The following NOL12 variants were observed in gnomAD, a reference collection of about 807,000 sequenced individuals.
NOL12 encodes the protein nucleolar protein 12.
Under a neutral mutation model 25.2 loss-of-function variants are expected in NOL12, and 21 were observed. That is an observed-to-expected ratio of 0.83 (90% confidence interval 0.59 to 1.20). The LOEUF (loss-of-function observed/expected upper bound fraction) is 1.20. Among genes scored for constraint, NOL12 ranks in the 50% most tolerant of loss-of-function variants. NOL12 has a pLI of 0.00. For missense variants in NOL12, 286 were observed against 287.6 expected (o/e 0.99, Z 0.04); for synonymous variants, 133 against 113.8 (o/e 1.17, Z -1.08).
intron 5 of NOL12, 103 bp from the exon 6 acceptor site, chr22:37,691,071 G>A: frequency 7.4e-7 from 1 of 1,355,734 alleles, no homozygotes; most frequent in East Asian, 2.4e-5. Context: ...CATGAACTTG[G>A]CGGTCCTGGC....
chr22:37,689,880 T>G (rs531502350), intron 4 of NOL12, among the ~76,000 whole-genome samples: 1 of 151,654 alleles, frequency 6.6e-6, no homozygotes, highest in African/African-American at 2.4e-5. Context: ...AGTAAAAAAA[T>G]TAGCCAGGGG....
chr22:37,691,087 C>T (rs964631162), intron 5 of NOL12, 87 bp from the exon 6 acceptor site: 6 of 1,470,302 alleles, frequency 4.1e-6, no homozygotes, highest in South Asian at 2.7e-5. Context: ...CTGGCATTCG[C>T]AACCTGTCCT....
chr22:37,690,223 G>T (rs1021002845), intron 4 of NOL12, among the ~76,000 whole-genome samples: 2 of 152,114 alleles, frequency 1.3e-5, no homozygotes, highest in African/African-American at 4.8e-5. Context: ...CCAGCTACTC[G>T]GGAGGCTGAG....
At position 37,691,527 on chromosome 22, in the gene NOL12, C is replaced by G. The variant is rs146152603; in HGVS notation, c.*191C>G. The G allele has an allele frequency of 3.3e-6, 2 of 613,218 alleles. No homozygotes were observed. The highest frequency in any genetic ancestry group is 6.6e-5 in the South Asian group (2 of 30,136). 38.0% of individuals were successfully genotyped at this position (613,218 alleles called of 1,614,324 possible). A position where few individuals can be genotyped will look rare whatever the true frequency, so the allele number is the denominator to read the frequency against. On this transcript the variant is annotated 3_prime_UTR_variant, in exon 6 of 6. Coordinates refer to ENST00000359114, the MANE Select transcript of NOL12 (RefSeq NM_024313.3). ...TGCCTTTGCCTGGGGTTTGAATTCC[C>G]GAAGGAGCAGGCAGCTGAGAGCAGG...
Position 37,691,272 on chromosome 22 carries a change from C to A in NOL12, c.578C>A (p.Ala193Asp). Reference protein sequence around the residue: ...RAQDSKKPPRAPRTSKAQRRR... With the variant: ...RAQDSKKPPRDPRTSKAQRRR... ...CAGGACTCCAAAAAGCCCCCAAGGG[C>A]CCCTCGTACCAGCAAGGCCCAGCGC... The change falls in exon 6 of 6, where the codon GCC (alanine) becomes GAC (aspartate). Residue 193 changes from alanine to aspartate, a missense_variant. Ala to Asp is a moderately radical substitution (Grantham distance 126). Transcript: ENST00000359114. 3 of 1,614,066 alleles carry A rather than the reference C, an allele frequency of 1.9e-6. No homozygotes were observed. The highest frequency in any genetic ancestry group is 2.5e-6 in the Non-Finnish European group (3 of 1,179,982).
intron 4 of NOL12, among the ~76,000 whole-genome samples, 173 bp downstream of exon 4, chr22:37,689,165 C>T (rs1466587994): frequency 6.6e-6 from 1 of 152,212 alleles, no homozygotes; most frequent in African/African-American, 2.4e-5. Flanking sequence ...TTGTGGGTAC[C>T]CCACTGCTGG....
At chr22:37,687,261 C>A (rs1300109159) in intron 1 of NOL12, among the ~76,000 whole-genome samples, 6 of 62,674 alleles carry the variant, frequency 9.6e-5, no homozygotes, top group Non-Finnish European at 1.8e-4. Context: ...GTGTGTGGCC[C>A]CCCCCCCCAC....
rs1012300537 is a variant in NOL12 at position 37,693,305 on chromosome 22, C to G, written c.*1969C>G. 6.6e-6 allele frequency: 1 copy of G among 152,568 alleles called. No homozygotes were observed. Among genetic ancestry groups the G allele is most frequent in the African/African-American group, 2.4e-5 (1 of 41,464 alleles). 9.5% of individuals were successfully genotyped at this position (152,568 alleles called of 1,614,324 possible). A position where few individuals can be genotyped will look rare whatever the true frequency, so the allele number is the denominator to read the frequency against. ...AAAATAAGACCATGTGCATGAACCA[C>G]TTACCAAAGTGCCTGTTGCTCTCCA... On this transcript the variant is annotated 3_prime_UTR_variant, in exon 6 of 6. Transcript: ENST00000359114.
intron 5 of NOL12, 64 bp from the exon 6 acceptor site, chr22:37,691,082 ATTCGCAACCTGTCCTGACATCCCCTCCG>A: frequency 6.9e-7 from 1 of 1,449,316 alleles, no homozygotes; most frequent in Non-Finnish European, 9.4e-7. Flanking sequence ...CGGTCCTGGC[ATTCGCAACCTGTCCTGACATCCCCTCCG>A]TGAGCCAGGT....
Position 37,692,490 on chromosome 22 carries a change from A to G in NOL12, c.*1154A>G, listed in dbSNP as rs1473912470. On this transcript the variant is annotated 3_prime_UTR_variant, in exon 6 of 6. Transcript: ENST00000359114. ...ACACTCCTTCCAGATGGATGAGTTG[A>G]TGGAAACCCTGTCCCTTCCTTGTCC... The G allele has an allele frequency of 2.5e-6, 1 of 398,590 alleles. No homozygotes were observed. Among genetic ancestry groups the G allele is most frequent in the Admixed American group, 4.4e-5 (1 of 22,706 alleles). 24.7% of individuals were successfully genotyped at this position (398,590 alleles called of 1,614,324 possible).
chr22:37,686,560 G>T, intron 1 of NOL12, 85 bp downstream of exon 1: 2 of 1,424,814 alleles, frequency 1.4e-6, no homozygotes, highest in African/African-American at 3.0e-5. Flanking sequence ...CTCCCGCCGG[G>T]GGCTCTTCCG....
chr22:37,686,566 T>C, intron 1 of NOL12, 91 bp downstream of exon 1: 1 of 1,419,262 alleles, frequency 7.0e-7, no homozygotes, highest in Non-Finnish European at 9.2e-7. Flanking sequence ...CCGGGGGCTC[T>C]TCCGGTCCCG....
At chr22:37,688,101 A>AT in intron 2 of NOL12, 86 bp downstream of exon 2, 1 of 1,246,476 alleles carries the variant, frequency 8.0e-7, no homozygotes, top group South Asian at 1.3e-5. Flanking sequence ...AGCTGCTGGC[A>AT]TGGGGCGATG....
intron 4 of NOL12, among the ~76,000 whole-genome samples, chr22:37,690,280 C>T (rs1188106553): frequency 6.6e-6 from 1 of 151,892 alleles, no homozygotes; most frequent in Non-Finnish European, 1.5e-5. Flanking sequence ...CAGTGAGCCA[C>T]GATTGTGCCA....
chr22:37,691,214 A>G lies in NOL12; in HGVS notation c.520A>G (p.Lys174Glu). The G allele has an allele frequency of 1.9e-6, 3 of 1,613,722 alleles. No homozygotes were observed. Among genetic ancestry groups the G allele is most frequent in the Non-Finnish European group, 2.5e-6 (3 of 1,179,830 alleles). The stretch of plus-strand genomic sequence containing the variant: ...AGCATCACTACATGCACACAGCCGC[A>G]AAAAGGTCAAGAGGAAACATCCCCG... ...LTASLHAHSRKKVKRKHPRRA... is the reference protein window; with the variant it reads ...LTASLHAHSREKVKRKHPRRA... The change falls in exon 6 of 6, where the codon AAA becomes GAA. Residue 174 changes from lysine (K) to glutamate (E), a missense_variant. Physicochemically the swap from Lys to Glu is moderately conservative, Grantham distance 56. Transcript: ENST00000359114.
In NOL12 at chr22:37,692,926, A is replaced by G; in HGVS notation, c.*1590A>G. ...GGGAGTCTGAGGGCTGCACCCGGGTATGGTGAGTTCCCCTCAGGGATTGTG... is the reference window on the plus strand; with the variant it reads ...GGGAGTCTGAGGGCTGCACCCGGGTGTGGTGAGTTCCCCTCAGGGATTGTG... On this transcript the variant is annotated 3_prime_UTR_variant, in exon 6 of 6. Coordinates refer to ENST00000359114, the MANE Select transcript of NOL12 (RefSeq NM_024313.3). 5.1e-6 allele frequency: 2 copies of G among 388,676 alleles called. No individual in the cohort carries two copies. The highest frequency in any genetic ancestry group is 9.1e-6 in the Non-Finnish European group (2 of 220,018). 24.1% of individuals were successfully genotyped at this position (388,676 alleles called of 1,614,324 possible).
At chr22:37,688,257 C>T in intron 2 of NOL12, 55 bp from the exon 3 acceptor site, 1 of 1,573,286 alleles carries the variant, frequency 6.4e-7, no homozygotes, top group Non-Finnish European at 8.8e-7. Context: ...ATACCCCAGC[C>T]TGAGGTTGGA....
intron 5 of NOL12, 41 bp from the exon 6 acceptor site, chr22:37,691,133 C>T: frequency 6.4e-7 from 1 of 1,563,624 alleles, no homozygotes; most frequent in East Asian, 2.3e-5. Context: ...TGAGTCACCC[C>T]ACAATGCAAT....
intron 4 of NOL12, among the ~76,000 whole-genome samples, chr22:37,690,179 A>AT (rs1173472784): frequency 6.6e-6 from 1 of 151,692 alleles, no homozygotes; most frequent in Non-Finnish European, 1.5e-5. Flanking sequence ...CTCAAAAAAA[A>AT]CTTAGCCAGG....
Sources: gnomAD v4.1 joint callset for allele counts (sites outside exome capture counted in the v4.1 genomes callset) on GRCh38, gnomAD v4.1.1 for gene constraint, MANE v1.5 for transcripts, NCBI Gene and HGNC (gene_info 2026-07-23, HGNC 2026-07-21) for gene names.